Variants in ZNF662 observed in about 807,000 individuals in gnomAD.
The protein encoded by ZNF662 is zinc finger protein 662.
In ZNF662, 14 loss-of-function variants were observed where a neutral mutation model predicts 12.4. That is an observed-to-expected ratio of 1.13 (90% CI 0.75 to 1.77). The LOEUF is 1.77. Among genes scored for constraint, ZNF662 ranks in the 40% most tolerant of loss-of-function variants. The probability of loss-of-function intolerance (pLI) is 0.00; values close to 1 mark genes in which losing one functional copy is unlikely to be tolerated. For missense variants in ZNF662, 550 were observed against 515.6 expected (o/e 1.07, Z -0.65); for synonymous variants, 184 against 176.4 (o/e 1.04, Z -0.34).
At position 42,918,750 on chromosome 3, in the gene ZNF662, CT is replaced by C. The variant is rs2088920861; in HGVS notation, c.*3397del. Among the ~76,000 whole-genome samples, 1 of 152,090 alleles carries C rather than the reference CT, an allele frequency of 6.6e-6. No individual in the cohort carries two copies. The highest frequency in any genetic ancestry group is 2.1e-4 in the South Asian group (1 of 4,820). On this transcript the variant is annotated 3_prime_UTR_variant, in exon 5 of 5. Transcript: ENST00000440367. The stretch of plus-strand genomic sequence containing the variant: ...CCCTCAGAGGCCTATCTAAGGGTCC[CT>C]GGTAAAAGGTGGCCATCATTTGAGG...
At position 42,915,035 on chromosome 3, in the gene ZNF662, G is replaced by A. The variant is rs749804099; in HGVS notation, c.962G>A (p.Arg321Gln). ...KSFTRNPALL[R>Q]HQRMHTGEKP... ...TTTACTCGAAACCCAGCCCTTCTTC[G>A]ACATCAGAGAATGCACACTGGGGAG... Residue 321 changes from arginine (R) to glutamine (Q), a missense_variant, in exon 5 of 5, where the codon CGA becomes CAA. Arg to Gln is a conservative substitution (Grantham distance 43). Transcript: ENST00000440367. The A allele has an allele frequency of 9.3e-6, 15 of 1,613,856 alleles. No individual in the cohort carries two copies. The highest frequency in any genetic ancestry group is 6.7e-5 in the East Asian group (3 of 44,790).
rs376912362 is a variant in ZNF662 at position 42,915,626 on chromosome 3, G to A, written c.*272G>A. 7.6e-5 allele frequency: 25 copies of A among 327,324 alleles called. No individual in the cohort carries two copies. Among genetic ancestry groups the A allele is most frequent in the African/African-American group, 4.6e-4 (22 of 47,624 alleles). 20.3% of individuals were successfully genotyped at this position (327,324 alleles called of 1,614,324 possible). A position where few individuals can be genotyped will look rare whatever the true frequency, so the allele number is the denominator to read the frequency against. Reference sequence around the variant, plus strand: ...GCATAACAATCCTATTAAGGTAGGTGCTCTTCTCCCCATTTTACAAATGAG... The same window carrying A: ...GCATAACAATCCTATTAAGGTAGGTACTCTTCTCCCCATTTTACAAATGAG... On this transcript the variant is annotated 3_prime_UTR_variant, in exon 5 of 5. Coordinates refer to ENST00000440367, the MANE Select transcript of ZNF662 (RefSeq NM_207404.4).
intron 2 of ZNF662, chr3:42,908,371 C>T (rs895788046): frequency 4.5e-6 from 6 of 1,342,870 alleles, no homozygotes; most frequent in Non-Finnish European, 5.7e-6. Flanking sequence ...GGTGCCAAAC[C>T]CCTACCCTTG....
intron 3 of ZNF662, among the ~76,000 whole-genome samples, chr3:42,910,308 T>A (rs2088767067): frequency 6.6e-6 from 1 of 151,980 alleles, no homozygotes; most frequent in African/African-American, 2.4e-5. Context: ...GGCAGTACAG[T>A]CCAGCCTTGG....
rs137878027 is a variant in ZNF662 at position 42,914,249 on chromosome 3, G to A, written c.254-78G>A. On this transcript the variant is annotated intron_variant, in intron 4 of 4. Transcript: ENST00000440367. ...GGGTGGCACTTGGAGAGAAGTGGACGTATTAATACCACTTGGTGACCTTAG... is the reference window on the plus strand; with the variant it reads ...GGGTGGCACTTGGAGAGAAGTGGACATATTAATACCACTTGGTGACCTTAG... 6.4e-4 allele frequency: 820 copies of A among 1,283,694 alleles called. 3 individuals carry two copies. The African/African-American group carries it at 8.8e-3, about 14-fold the overall frequency. The allele number at this position is 1,283,694 out of a possible 1,614,324, so 79.5% of individuals were successfully genotyped here. A position where few individuals can be genotyped will look rare whatever the true frequency, so the allele number is the denominator to read the frequency against.
rs566200518 is a variant in ZNF662, at chr3:42,914,667, C to G, written c.594C>G (p.Gly198=). The G allele has an allele frequency of 6.2e-6, 10 of 1,614,150 alleles. No individual in the cohort carries two copies. The African/African-American group carries it at 1.3e-4, about 22-fold the overall frequency. ...EQIFYICEEC[G]KCFDQNEDFD... ...TATTCTATATATGTGAGGAATGCGG[C>G]AAGTGTTTTGATCAAAATGAGGACT... Residue 198 remains glycine (G), a synonymous_variant, in exon 5 of 5, where the codon GGC becomes GGG. Transcript: ENST00000440367.
At position 42,906,835 on chromosome 3, in the gene ZNF662, A is replaced by G. The variant is rs1312234600; in HGVS notation, c.-94+667A>G. Among the ~76,000 whole-genome samples, 1 of 152,180 alleles carries G rather than the reference A, an allele frequency of 6.6e-6. No individual in the cohort carries two copies. The highest frequency in any genetic ancestry group is 2.4e-5 in the African/African-American group (1 of 41,426). The stretch of plus-strand genomic sequence containing the variant: ...TGCAAGGACACAGAACAGGGTGAGG[A>G]AAGAGTTTGGTTTCCCAATGCAATG... On this transcript the variant is annotated intron_variant, in intron 1 of 4. Transcript: ENST00000440367. The surrounding 1 kb of genome is among the most constrained non-coding windows in gnomAD (Gnocchi z 4.4).
chr3:42,917,310 T>G lies in ZNF662; in HGVS notation c.*1956T>G. 1 of 591,444 alleles carries G rather than the reference T, an allele frequency of 1.7e-6. No homozygotes were observed. 36.6% of individuals were successfully genotyped at this position (591,444 alleles called of 1,614,324 possible). A position where few individuals can be genotyped will look rare whatever the true frequency, so the allele number is the denominator to read the frequency against. ...CCTTGGCCACAGAGCCATTGTGATA[T>G]GAGGAGATACTGGCTCTTCTGGAAA... On this transcript the variant is annotated 3_prime_UTR_variant, in exon 5 of 5. Coordinates refer to ENST00000440367, the MANE Select transcript of ZNF662 (RefSeq NM_207404.4).
intron 3 of ZNF662, among the ~76,000 whole-genome samples, chr3:42,910,725 C>T (rs1261889423): frequency 6.6e-6 from 1 of 152,164 alleles, no homozygotes; most frequent in Non-Finnish European, 1.5e-5. Flanking sequence ...TCCTGGTTGC[C>T]TCCTTGGCCC....
rs2125649751 is a variant in ZNF662 at position 42,915,511 on chromosome 3, G to T, written c.*157G>T. 1 of 663,568 alleles carries T rather than the reference G, an allele frequency of 1.5e-6. No homozygotes were observed. The highest frequency in any genetic ancestry group is 2.8e-5 in the East Asian group (1 of 36,020). The allele number at this position is 663,568 out of a possible 1,614,324, so 41.1% of individuals were successfully genotyped here. Reference sequence around the variant, plus strand: ...TTTACCATGTACTCTAGCAAGACTGGTCCCTCTGTTCTATGATGTTTTAAC... The same window carrying T: ...TTTACCATGTACTCTAGCAAGACTGTTCCCTCTGTTCTATGATGTTTTAAC... On this transcript the variant is annotated 3_prime_UTR_variant, in exon 5 of 5. Transcript: ENST00000440367.
rs2088872666 is a variant in ZNF662 at position 42,914,364 on chromosome 3, G to A, written c.291G>A (p.Leu97=). The change falls in exon 5 of 5, where the codon CTG becomes CTA. Residue 97 remains leucine, a synonymous_variant. Coordinates refer to ENST00000440367, the MANE Select transcript of ZNF662 (RefSeq NM_207404.4). Reference sequence around the variant, plus strand: ...AGAGGAAGAAAGAAGATTTTATTCTGAAGGAGGAAATTATTGAGGAAGCAC... The same window carrying A: ...AGAGGAAGAAAGAAGATTTTATTCTAAAGGAGGAAATTATTGAGGAAGCAC... ...VLKRKKEDFI[L]KEEIIEEAQD... 3.1e-6 allele frequency: 5 copies of A among 1,606,842 alleles called. No homozygotes were observed. The East Asian group carries it at 1.1e-4, about 36-fold the overall frequency.
At chr3:42,908,767 GC>G in intron 2 of ZNF662, 25 bp from the exon 3 acceptor site, 1 of 1,607,282 alleles carries the variant, frequency 6.2e-7, no homozygotes, top group Non-Finnish European at 8.5e-7. Flanking sequence ...CCACTCACCT[GC>G]CTGTCCCATT....
intron 3 of ZNF662, among the ~76,000 whole-genome samples, chr3:42,912,720 A>T (rs74849468): frequency 0.035 from 2,343 of 66,080 alleles, 164 homozygotes; most frequent in East Asian, 0.11. Context: ...ATATATATAT[A>T]TTTTTTATAT....
At position 42,913,542 on chromosome 3, in the gene ZNF662, A is replaced by G. The variant is rs141027941; in HGVS notation, c.253+240A>G. On this transcript the variant is annotated intron_variant, in intron 4 of 4. Transcript: ENST00000440367. ...TTTGCGTTAGACTTAAACTGAACAG[A>G]TGGCCTGCCCCATCTAGCTGCTATG... Among the ~76,000 whole-genome samples, 847 of 152,308 alleles carry G rather than the reference A, an allele frequency of 5.6e-3. 6 individuals carry two copies. Among genetic ancestry groups the G allele is most frequent in the Middle Eastern group, 0.01 (3 of 294 alleles).
In ZNF662 at chr3:42,913,320, G is replaced by T; in HGVS notation, c.253+18G>T. ...TTGTCCGGGTAAGTGAGAGGGAAAT[G>T]AGCATTCTTCTCTCAGTCACATCTT... is the stretch of plus-strand genomic sequence containing the variant. On this transcript the variant is annotated intron_variant, in intron 4 of 4. Coordinates refer to ENST00000440367, the MANE Select transcript of ZNF662 (RefSeq NM_207404.4). 1.9e-6 allele frequency: 3 copies of T among 1,574,164 alleles called. No individual in the cohort carries two copies. Among genetic ancestry groups the T allele is most frequent in the South Asian group, 1.1e-5 (1 of 90,080 alleles).
chr3:42,914,784 A>C lies in ZNF662; in HGVS notation c.711A>C (p.Ala237=). The C allele has an allele frequency of 6.2e-7, 1 of 1,613,930 alleles. No homozygotes were observed. The highest frequency in any genetic ancestry group is 8.5e-7 in the Non-Finnish European group (1 of 1,179,946). Residue 237 remains alanine, a synonymous_variant, in exon 5 of 5, where the codon GCA becomes GCC. Coordinates refer to ENST00000440367, the MANE Select transcript of ZNF662 (RefSeq NM_207404.4). ...TCAGTTTTCGATCACATTGCATTGC[A>C]CATCAGAGAATTCACAGTGGGGTGA... ...KAFSFRSHCI[A]HQRIHSGVKP...
chr3:42,909,805 C>T (rs2088752219), intron 3 of ZNF662, among the ~76,000 whole-genome samples: 1 of 149,400 alleles, frequency 6.7e-6, no homozygotes, highest in Non-Finnish European at 1.5e-5. Flanking sequence ...GGCGGCGGGG[C>T]AGAGACACTC....
In ZNF662 at chr3:42,918,635, T is replaced by A. The variant is rs932720131; in HGVS notation, c.*3281T>A. 2.2e-4 allele frequency among the ~76,000 whole-genome samples: 15 copies of A among 66,862 alleles called. No individual in the cohort carries two copies. The highest frequency in any genetic ancestry group is 4.9e-4 in the African/African-American group (14 of 28,466). The allele number at this position is 66,862 out of a possible 152,430, so 43.9% of individuals were successfully genotyped here. A position where few individuals can be genotyped will look rare whatever the true frequency, so the allele number is the denominator to read the frequency against. On this transcript the variant is annotated 3_prime_UTR_variant, in exon 5 of 5. Transcript: ENST00000440367. ...CCCCCTCTAAAGAAGTACATCTAAC[T>A]TAGAATAAGGATAAGGATAAGGGTA...
rs780011756 is a variant in ZNF662 at position 42,908,135 on chromosome 3, T to A, written c.21T>A (p.Ala7=). The A allele has an allele frequency of 2.5e-6, 4 of 1,613,490 alleles. No homozygotes were observed. In the South Asian group the frequency reaches 3.3e-5, roughly 13 times the overall value. ...ATGTGATGCTGGAGAATTATGGGGC[T>A]GTGGCTTCCCTGGGTAAGGGTCTCT... The part of the protein sequence containing the change: MLENYG[A]VASLAAFPFP... Residue 7 remains alanine (A), a synonymous_variant, in exon 2 of 5, where the codon GCT becomes GCA. Coordinates refer to ENST00000440367, the MANE Select transcript of ZNF662 (RefSeq NM_207404.4).
Sources: allele counts gnomAD v4.1 joint callset (sites outside exome capture counted in the v4.1 genomes callset), GRCh38; gene constraint gnomAD v4.1.1; non-coding constraint Gnocchi (gnomAD v3.1); transcripts MANE v1.5; gene names NCBI Gene and HGNC (gene_info 2026-07-23, HGNC 2026-07-21).